DIAPH3: variants seen among roughly 807,000 people sequenced by gnomAD.
DIAPH3 encodes protein diaphanous homolog 3.
Under a neutral mutation model 144.3 loss-of-function variants are expected in DIAPH3, and 117 were observed. The ratio of observed to expected loss-of-function variants is 0.81; its 90% CI spans 0.70 to 0.95. DIAPH3 has a LOEUF of 0.95. DIAPH3 is among the 40% of genes least tolerant of loss of function. The pLI is 0.00. For synonymous variants in DIAPH3, 519 were observed against 488.9 expected (o/e 1.06, Z -0.81); for missense variants, 1,421 against 1,412.7 (o/e 1.01, Z -0.09).
chr13:60,093,596 G>A (rs1166178864), intron 4 of DIAPH3, 32 bp downstream of exon 4: 1 of 1,394,180 alleles, frequency 7.2e-7, no homozygotes, highest in Admixed American at 1.7e-5. Flanking sequence ...AACATGTTCG[G>A]CAGTATTTTT....
rs899604121 is a variant in DIAPH3, at chr13:59,802,508, C to T, written c.3163+8280G>A. Among the ~76,000 whole-genome samples, 10 of 147,544 alleles carry T rather than the reference C, an allele frequency of 6.8e-5. No homozygotes were observed. The East Asian group carries it at 2.0e-3, about 29-fold the overall frequency. Reference sequence around the variant, plus strand: ...AAAATAACAATAACTCATTATTTTTCAACACAGACTGGTCATTTTGCAAAT... The same window carrying T: ...AAAATAACAATAACTCATTATTTTTTAACACAGACTGGTCATTTTGCAAAT... On this transcript the variant is annotated intron_variant, in intron 25 of 27. Coordinates refer to ENST00000400324, the MANE Select transcript of DIAPH3 (RefSeq NM_001042517.2).
chr13:60,150,084 C>CA (rs1157763339), intron 1 of DIAPH3, among the ~76,000 whole-genome samples: 2 of 152,102 alleles, frequency 1.3e-5, no homozygotes, highest in Non-Finnish European at 2.9e-5. Context: ...TGCAGTGACA[C>CA]AATCATGGCT....
intron 2 of DIAPH3, among the ~76,000 whole-genome samples, chr13:60,115,936 A>G (rs55970363): frequency 0.02 from 3,100 of 152,186 alleles, 119 homozygotes; most frequent in African/African-American, 0.071. Flanking sequence ...GGGATTCTAT[A>G]TACAGTGAAA....
At chr13:59,955,380 G>A (rs145113285) in intron 17 of DIAPH3, among the ~76,000 whole-genome samples, 23 of 152,104 alleles carry the variant, frequency 1.5e-4, no homozygotes, top group African/African-American at 3.6e-4. Flanking sequence ...CCCTGCACAC[G>A]GTCTCCTGTC....
intron 22 of DIAPH3, among the ~76,000 whole-genome samples, chr13:59,841,643 C>A (rs899692550): frequency 3.9e-5 from 6 of 152,070 alleles, no homozygotes; most frequent in Non-Finnish European, 7.4e-5. Flanking sequence ...CATACATCTA[C>A]TTTGTGCTAT....
At chr13:59,673,083 C>CT (rs1225337008) in intron 27 of DIAPH3, among the ~76,000 whole-genome samples, 2 of 152,116 alleles carry the variant, frequency 1.3e-5, no homozygotes, top group African/African-American at 2.4e-5. Flanking sequence ...GAGTGTAGGG[C>CT]TACAAGGAAG....
intron 7 of DIAPH3, among the ~76,000 whole-genome samples, chr13:60,012,119 G>C (rs925268273): frequency 6.6e-6 from 1 of 152,166 alleles, no homozygotes; most frequent in Non-Finnish European, 1.5e-5. Context: ...AAGCATTGAA[G>C]TTGAATCTAT....
rs193147471 is a variant in DIAPH3, at chr13:60,056,981, C to T, written c.496-14161G>A. On this transcript the variant is annotated intron_variant, in intron 4 of 27. Coordinates refer to ENST00000400324, the MANE Select transcript of DIAPH3 (RefSeq NM_001042517.2). ...GCCCAATTAAAACAAGTTTTTCATT[C>T]CTCCTAAGAACTTGAACAAGGCAAG... Among the ~76,000 whole-genome samples, 309 of 151,844 alleles carry T rather than the reference C, an allele frequency of 2.0e-3. 2 individuals are homozygous for T. Among genetic ancestry groups the T allele is most frequent in the Non-Finnish European group, 3.5e-3 (240 of 67,800 alleles).
chr13:59,756,448 GGAAGGAAGGAAGGAAGGAAA>G lies in DIAPH3; in HGVS notation c.3319+17721_3319+17740del, dbSNP rs1555289848. Among the ~76,000 whole-genome samples the G allele has an allele frequency of 2.4e-5, 3 of 126,220 alleles. No individual in the cohort carries two copies. The Admixed American group carries it at 2.4e-4, about 10-fold the overall frequency. 82.8% of individuals were successfully genotyped at this position (126,220 alleles called of 152,430 possible). A position where few individuals can be genotyped will look rare whatever the true frequency, so the allele number is the denominator to read the frequency against. ...AGGAAGGAAGGAAGGAAGGAAAGAA[GGAAGGAAGGAAGGAAGGAAA>G]GAAGGAAGGAAGGAAGGAGGGAAGG... On this transcript the variant is annotated intron_variant, in intron 27 of 27. Coordinates refer to ENST00000400324, the MANE Select transcript of DIAPH3 (RefSeq NM_001042517.2).
intron 27 of DIAPH3, among the ~76,000 whole-genome samples, chr13:59,733,635 T>C (rs1394537273): frequency 6.6e-6 from 1 of 152,202 alleles, no homozygotes; most frequent in East Asian, 1.9e-4. Context: ...GCCCTTTAGG[T>C]TTCTGATATA....
intron 25 of DIAPH3, among the ~76,000 whole-genome samples, chr13:59,777,830 A>C (rs2038504612): frequency 6.6e-6 from 1 of 152,176 alleles, no homozygotes; most frequent in Admixed American, 6.5e-5. Context: ...AAAAGGCTAG[A>C]GAACTGTTCT....
intron 9 of DIAPH3, among the ~76,000 whole-genome samples, chr13:60,008,179 A>G (rs1360685013): frequency 1.3e-5 from 2 of 151,908 alleles, no homozygotes; most frequent in Non-Finnish European, 2.9e-5. Flanking sequence ...AGATCACGAG[A>G]TCAGGAGATC....
intron 22 of DIAPH3, among the ~76,000 whole-genome samples, chr13:59,856,869 T>C (rs953199482): frequency 5.9e-5 from 9 of 151,352 alleles, no homozygotes; most frequent in Non-Finnish European, 1.3e-4. Flanking sequence ...CAATGTAACC[T>C]ATTAACTACA....
In DIAPH3 at chr13:59,665,658, G is replaced by A. The variant is rs937774463; in HGVS notation, c.*926C>T. 2.0e-5 allele frequency: 3 copies of A among 152,476 alleles called. No individual in the cohort carries two copies. The highest frequency in any genetic ancestry group is 2.9e-5 in the Non-Finnish European group (2 of 68,002). 9.4% of individuals were successfully genotyped at this position (152,476 alleles called of 1,614,324 possible). A position where few individuals can be genotyped will look rare whatever the true frequency, so the allele number is the denominator to read the frequency against. On this transcript the variant is annotated 3_prime_UTR_variant, in exon 28 of 28. Coordinates refer to ENST00000400324, the MANE Select transcript of DIAPH3 (RefSeq NM_001042517.2). The stretch of plus-strand genomic sequence containing the variant: ...TAACAGAGTAATGATGCCCAAATGA[G>A]GTAATATTACATTTGCTTAGGAAAA...
At chr13:59,969,440 T>C (rs925415184) in intron 17 of DIAPH3, among the ~76,000 whole-genome samples, 1 of 152,164 alleles carries the variant, frequency 6.6e-6, no homozygotes, top group African/African-American at 2.4e-5. Context: ...AACATGCAGG[T>C]TTGTTACATA....
In DIAPH3 at chr13:59,861,486, C is replaced by T; in HGVS notation, c.2658G>A (p.Leu886=). 1 of 1,613,628 alleles carries T rather than the reference C, an allele frequency of 6.2e-7. No homozygotes were observed. Among genetic ancestry groups the T allele is most frequent in the South Asian group, 1.1e-5 (1 of 91,066 alleles). Residue 886 remains leucine, a synonymous_variant, in exon 22 of 28, where the codon CTG becomes CTA. Transcript: ENST00000400324. ...GGTACTTCTCTTCACATATTTCTACCAGGAAATGAAGTAGCGTTGTTTTCT... is the reference window on the plus strand; with the variant it reads ...GGTACTTCTCTTCACATATTTCTACTAGGAAATGAAGTAGCGTTGTTTTCT... ...ADQKTTLLHF[L]VEICEEKYPD... is the part of the protein sequence containing the mutation.
intron 7 of DIAPH3, among the ~76,000 whole-genome samples, chr13:60,011,546 C>T (rs1306053885): frequency 6.6e-6 from 1 of 152,176 alleles, no homozygotes; most frequent in African/African-American, 2.4e-5. Context: ...TTATTGATGA[C>T]ATTTCACTTC....
intron 25 of DIAPH3, among the ~76,000 whole-genome samples, chr13:59,782,548 T>C (rs2038793342): frequency 6.6e-6 from 1 of 152,042 alleles, no homozygotes; most frequent in Admixed American, 6.6e-5. Flanking sequence ...CATTGATAAA[T>C]ACAAGATAGT....
intron 17 of DIAPH3, among the ~76,000 whole-genome samples, chr13:59,929,704 C>T (rs2047931271): frequency 6.6e-6 from 1 of 151,302 alleles, no homozygotes; most frequent in African/African-American, 2.4e-5. Context: ...CTGGGATTTA[C>T]AGGCTCATGC....
Sources: allele counts gnomAD v4.1 joint callset (sites outside exome capture counted in the v4.1 genomes callset), GRCh38; gene constraint gnomAD v4.1.1; transcripts MANE v1.5; gene names NCBI Gene and HGNC (gene_info 2026-07-23, HGNC 2026-07-21).